IGF2R: variants seen among roughly 807,000 people sequenced by gnomAD.
IGF2R encodes insulin like growth factor 2 receptor, also known as cation-independent mannose-6-phosphate receptor.
In IGF2R, 91 loss-of-function variants were observed where a neutral mutation model predicts 270.6. The observed-to-expected ratio is 0.34, with a 90% CI of 0.28 to 0.40. The LOEUF is 0.40. IGF2R is among the 10% of genes least tolerant of loss of function. The pLI, the probability that IGF2R is intolerant of heterozygous loss-of-function variation, is 1.00. For missense variants in IGF2R, 2,805 were observed against 3,188.3 expected (o/e 0.88, Z 2.90); for synonymous variants, 1,316 against 1,258.9 (o/e 1.05, Z -0.96).
intron 29 of IGF2R, among the ~76,000 whole-genome samples, chr6:160,065,842 A>ATATATATATATATG (rs1778571996): frequency 9.5e-6 from 1 of 104,884 alleles, no homozygotes; most frequent in African/African-American, 3.5e-5. Flanking sequence ...ATATATATAT[A>ATATATATATATATG]TATGTATTTT....
At chr6:159,980,783 C>T (rs1231883788) in intron 1 of IGF2R, among the ~76,000 whole-genome samples, 1 of 152,168 alleles carries the variant, frequency 6.6e-6, no homozygotes, top group Non-Finnish European at 1.5e-5. Context: ...GAGTAGGGGG[C>T]TGAACATTAA....
At chr6:160,064,615 G>C (rs1001606184) in intron 28 of IGF2R, 84 bp downstream of exon 28, 1 of 1,467,302 alleles carries the variant, frequency 6.8e-7, no homozygotes, top group South Asian at 1.2e-5. Flanking sequence ...TCTGTCCTCA[G>C]ATCTCATCAA....
intron 30 of IGF2R, 59 bp from the exon 31 acceptor site, chr6:160,069,809 G>A: frequency 1.3e-6 from 2 of 1,516,542 alleles, no homozygotes; most frequent in East Asian, 2.3e-5. Context: ...GCCTGATGAA[G>A]TTCTGTTCTA....
rs8191792 is a variant in IGF2R at position 160,044,921 on chromosome 6, G to A, written c.1765+264G>A. On this transcript the variant is annotated intron_variant, in intron 13 of 47. Coordinates refer to ENST00000356956, the MANE Select transcript of IGF2R (RefSeq NM_000876.4). ...GTCTCAGCGCTGTATCCTCTTCCTCGGGACTGATACTCGGCCAGTCATGTG... is the reference window on the plus strand; with the variant it reads ...GTCTCAGCGCTGTATCCTCTTCCTCAGGACTGATACTCGGCCAGTCATGTG... Among the ~76,000 whole-genome samples, 1,036 of 152,262 alleles carry A rather than the reference G, an allele frequency of 6.8e-3. 12 individuals carry two copies. The highest frequency in any genetic ancestry group is 0.023 in the African/African-American group (970 of 41,542).
At chr6:160,051,981 A>G (rs1298289974) in intron 19 of IGF2R, among the ~76,000 whole-genome samples, 3 of 150,528 alleles carry the variant, frequency 2.0e-5, no homozygotes, top group Non-Finnish European at 3.0e-5. Context: ...AGGCAGAGGT[A>G]GGAGGATTGT....
intron 31 of IGF2R, 44 bp from the exon 32 acceptor site, chr6:160,071,866 G>T (rs1157220104): frequency 6.2e-7 from 1 of 1,605,902 alleles, no homozygotes; most frequent in Non-Finnish European, 8.5e-7. Context: ...TAGACATGGA[G>T]TTTTTGCGTG....
intron 10 of IGF2R, among the ~76,000 whole-genome samples, chr6:160,036,671 C>T (rs965753107): frequency 1.3e-5 from 2 of 152,018 alleles, no homozygotes; most frequent in African/African-American, 2.4e-5. Context: ...GGCATTATAT[C>T]GTTTCAGACT....
chr6:160,093,188 G>A (rs1431425084), intron 44 of IGF2R: 1 of 167,856 alleles, frequency 6.0e-6, no homozygotes, highest in African/African-American at 2.4e-5. Context: ...TGCACATGGA[G>A]TATCATCAGC....
Position 160,069,963 on chromosome 6 carries a change from A to G in IGF2R, c.4348A>G (p.Ile1450Val), listed in dbSNP as rs745743992. The G allele has an allele frequency of 6.2e-7, 1 of 1,614,228 alleles. No individual in the cohort carries two copies. The highest frequency in any genetic ancestry group is 1.1e-5 in the South Asian group (1 of 91,086). The change falls in exon 31 of 48, where the codon ATA (isoleucine) becomes GTA (valine). Residue 1450 changes from isoleucine to valine, a missense_variant. Ile to Val is a conservative substitution (Grantham distance 29). This residue lies in a region of IGF2R where 1,851 missense variants were observed against 2,207.2 expected (regional missense o/e 0.84). Transcript: ENST00000356956. ...VRDGPQWRDG[I>V]IVLKYVDGDL... The stretch of plus-strand genomic sequence containing the variant: ...GGACGGACCTCAGTGGAGAGATGGC[A>G]TAATTGTCCTGAAATACGTTGATGG...
At chr6:160,093,409 C>T (rs1157033565) in intron 44 of IGF2R, 4 of 312,264 alleles carry the variant, frequency 1.3e-5, no homozygotes, top group African/African-American at 6.4e-5. Context: ...GGAGGAGCTC[C>T]TGGCACAGTG....
At chr6:160,053,525 CTG>C (rs1382839791) in intron 19 of IGF2R, among the ~76,000 whole-genome samples, 3 of 152,102 alleles carry the variant, frequency 2.0e-5, no homozygotes, top group East Asian at 1.9e-4. Context: ...CAACAGCAGA[CTG>C]TGTGGAGTTT....
At chr6:159,979,537 C>T (rs1783746885) in intron 1 of IGF2R, among the ~76,000 whole-genome samples, 2 of 152,204 alleles carry the variant, frequency 1.3e-5, no homozygotes, top group South Asian at 4.1e-4. Context: ...CTTGACTTTG[C>T]TGGACATGCG....
rs768883216 is a variant in IGF2R, at chr6:160,063,539, T to C, written c.3795T>C (p.Leu1265=). The C allele has an allele frequency of 1.2e-6, 2 of 1,614,102 alleles. No homozygotes were observed. Among genetic ancestry groups the C allele is most frequent in the African/African-American group, 2.7e-5 (2 of 74,938 alleles). The change falls in exon 27 of 48, where the codon CTT becomes CTC. Residue 1265 remains leucine, a synonymous_variant. Coordinates refer to ENST00000356956, the MANE Select transcript of IGF2R (RefSeq NM_000876.4). ...ATTACTTCCGGGTCTGTGGGAAGCT[T>C]TCCTCAGACGTCTGCCCCACAAGTG... The part of the protein sequence containing the change: ...YTYYFRVCGK[L]SSDVCPTSDK...
chr6:159,994,526 A>T (rs1784023878), intron 2 of IGF2R, among the ~76,000 whole-genome samples: 1 of 150,810 alleles, frequency 6.6e-6, no homozygotes, highest in Non-Finnish European at 1.5e-5. Context: ...TAGTGCCATG[A>T]GGGTTACATT....
At chr6:160,067,454 T>C (rs192856585) in intron 29 of IGF2R, among the ~76,000 whole-genome samples, 151 of 152,320 alleles carry the variant, frequency 9.9e-4, no homozygotes, top group African/African-American at 3.4e-3. Flanking sequence ...AAAAGTCTTA[T>C]CTTGTTCACG....
chr6:160,101,733 C>T (rs1364024575), intron 45 of IGF2R, among the ~76,000 whole-genome samples: 3 of 152,258 alleles, frequency 2.0e-5, no homozygotes, highest in Admixed American at 6.5e-5. Flanking sequence ...AGTCGTTACA[C>T]TCTTGAGTGT....
intron 6 of IGF2R, among the ~76,000 whole-genome samples, chr6:160,028,852 T>C (rs1164747999): frequency 2.0e-5 from 3 of 152,102 alleles, no homozygotes; most frequent in African/African-American, 7.2e-5. Flanking sequence ...AATTTTGTTA[T>C]CTCATTTACA....
intron 11 of IGF2R, among the ~76,000 whole-genome samples, chr6:160,042,241 A>G (rs1344266118): frequency 6.6e-6 from 1 of 152,144 alleles, no homozygotes; most frequent in African/African-American, 2.4e-5. Context: ...CCAGACTTCC[A>G]GTGTTTAGGG....
intron 4 of IGF2R, among the ~76,000 whole-genome samples, chr6:160,016,796 A>G (rs1777309833): frequency 6.6e-6 from 1 of 152,280 alleles, no homozygotes; most frequent in South Asian, 2.1e-4. Context: ...TTGACGCTGA[A>G]AGCGTCCAGA....
Sources: allele counts gnomAD v4.1 joint callset (sites outside exome capture counted in the v4.1 genomes callset), GRCh38; gene constraint gnomAD v4.1.1; regional missense constraint gnomAD v4.1.1; transcripts MANE v1.5; gene names NCBI Gene and HGNC (gene_info 2026-07-23, HGNC 2026-07-21).